The following KDM5A variants were observed in gnomAD, a reference collection of about 807,000 sequenced individuals.
The protein encoded by KDM5A is lysine-specific demethylase 5A.
A neutral mutation model predicts 193.5 loss-of-function variants in KDM5A; 42 were observed. That is an observed-to-expected ratio of 0.22 (90% CI 0.17 to 0.28). The LOEUF (loss-of-function observed/expected upper bound fraction) is 0.28. Ranked by LOEUF, KDM5A falls within the 10% of genes least tolerant of loss-of-function variation. The pLI, the probability that KDM5A is intolerant of heterozygous loss-of-function variation, is 1.00. For synonymous variants in KDM5A, 796 were observed against 718.1 expected (o/e 1.11, Z -1.73); for missense variants, 1,692 against 2,055.1 (o/e 0.82, Z 3.42).
intron 24 of KDM5A, among the ~76,000 whole-genome samples, chr12:303,258 A>G (rs1425874960): frequency 6.6e-6 from 1 of 152,264 alleles, no homozygotes; most frequent in Admixed American, 6.5e-5. Flanking sequence ...ACTTGGAACC[A>G]GCCCAAATGC....
chr12:374,700 A>C (rs1002663856), intron 3 of KDM5A, among the ~76,000 whole-genome samples: 15 of 152,158 alleles, frequency 9.9e-5, no homozygotes, highest in African/African-American at 3.6e-4. Context: ...ATGTTTTTGC[A>C]GTGGCTGGTA....
chr12:299,351 C>T (rs1042402738), intron 24 of KDM5A, among the ~76,000 whole-genome samples: 1 of 152,142 alleles, frequency 6.6e-6, no homozygotes, highest in African/African-American at 2.4e-5. Context: ...GCGGATCTCT[C>T]GCAGAAACTC....
At chr12:373,001 T>C (rs1591937976) in intron 3 of KDM5A, among the ~76,000 whole-genome samples, 1 of 152,238 alleles carries the variant, frequency 6.6e-6, no homozygotes, top group Non-Finnish European at 1.5e-5. Context: ...TGCCAGTATT[T>C]TATTGAAGAT....
At chr12:332,722 G>A (rs1489838511) in intron 12 of KDM5A, among the ~76,000 whole-genome samples, 3 of 152,072 alleles carry the variant, frequency 2.0e-5, no homozygotes, top group Non-Finnish European at 4.4e-5. Context: ...ATTAGGATAA[G>A]CATCCTTATT....
Position 292,668 on chromosome 12 carries a change from A to G in KDM5A, c.4866+91T>C, listed in dbSNP as rs140691217. ...TGTTGGAAGTCCAAATCCTAGAACC[A>G]AAAACATACTACACATTGATATCAA... On this transcript the variant is annotated intron_variant, in intron 27 of 27. Transcript: ENST00000399788. 1.7e-5 allele frequency: 27 copies of G among 1,544,850 alleles called. No homozygotes were observed. In the East Asian group the frequency reaches 4.5e-4, roughly 26 times the overall value.
At chr12:297,885 G>A (rs191629251) in intron 24 of KDM5A, among the ~76,000 whole-genome samples, 16 of 152,298 alleles carry the variant, frequency 1.1e-4, no homozygotes, top group Non-Finnish European at 1.8e-4. Flanking sequence ...GCCAGACCTC[G>A]TTCTGTCCAG....
chr12:310,059 G>C, intron 21 of KDM5A, 95 bp from the exon 22 acceptor site: 1 of 1,304,610 alleles, frequency 7.7e-7, no homozygotes, highest in Non-Finnish European at 1.1e-6. Context: ...GTTCAACCAT[G>C]TCCCACGCAC....
At position 305,570 on chromosome 12, in the gene KDM5A, G is replaced by C. The variant is rs115011018; in HGVS notation, c.4074+1376C>G. Reference sequence around the variant, plus strand: ...TCTCTGGAAGCAGCCTTTTGTATCAGAGTAGGAATTCCCAGGTTACAAGAA... The same window carrying C: ...TCTCTGGAAGCAGCCTTTTGTATCACAGTAGGAATTCCCAGGTTACAAGAA... On this transcript the variant is annotated intron_variant, in intron 24 of 27. Coordinates refer to ENST00000399788, the MANE Select transcript of KDM5A (RefSeq NM_001042603.3). 2.9e-3 allele frequency among the ~76,000 whole-genome samples: 448 copies of C among 152,306 alleles called. 2 individuals carry two copies. Among genetic ancestry groups the C allele is most frequent in the African/African-American group, 0.01 (430 of 41,558 alleles).
At chr12:363,604 C>T (rs988368910) in intron 4 of KDM5A, among the ~76,000 whole-genome samples, 1 of 152,054 alleles carries the variant, frequency 6.6e-6, no homozygotes, top group Non-Finnish European at 1.5e-5. Flanking sequence ...ACATCTTCAC[C>T]TCATACTATA....
chr12:322,541 C>T lies in KDM5A; in HGVS notation c.2302G>A (p.Glu768Lys). 6.2e-7 allele frequency: 1 copy of T among 1,612,726 alleles called. No homozygotes were observed. Among genetic ancestry groups the T allele is most frequent in the Non-Finnish European group, 8.5e-7 (1 of 1,179,180 alleles). ...KDLIELRVML[E>K]DAEDRKYPEN... is the part of the protein sequence containing the mutation. ...GGGTATTTCCTATCCTCAGCATCTTCCAGCATTACTCGCAATTCAATCAAA... is the reference window on the plus strand; with the variant it reads ...GGGTATTTCCTATCCTCAGCATCTTTCAGCATTACTCGCAATTCAATCAAA... Residue 768 changes from glutamate to lysine, a missense_variant, in exon 17 of 28, where the codon GAA becomes AAA. Glu to Lys is a moderately conservative substitution (Grantham distance 56, BLOSUM62 1). Coordinates refer to ENST00000399788, the MANE Select transcript of KDM5A (RefSeq NM_001042603.3).
chr12:355,034 T>A (rs1392792490), intron 7 of KDM5A, 124 bp downstream of exon 7: 1 of 725,804 alleles, frequency 1.4e-6, no homozygotes, highest in African/African-American at 1.7e-5. Flanking sequence ...ACTTCACAGA[T>A]GTGCCATCAA....
At chr12:333,382 G>C in intron 12 of KDM5A, 105 bp downstream of exon 12, 1 of 1,247,606 alleles carries the variant, frequency 8.0e-7, no homozygotes, top group Non-Finnish European at 1.1e-6. Flanking sequence ...TCGTGCCGCT[G>C]CACTCCAGCC....
intron 4 of KDM5A, among the ~76,000 whole-genome samples, chr12:363,892 CAAGTAT>C (rs1289284288): frequency 6.6e-6 from 1 of 151,936 alleles, no homozygotes; most frequent in Non-Finnish European, 1.5e-5. Flanking sequence ...AACAAATTCA[CAAGTAT>C]AAGACAAACA....
chr12:358,034 C>A (rs1944248433), intron 5 of KDM5A, among the ~76,000 whole-genome samples: 1 of 151,770 alleles, frequency 6.6e-6, no homozygotes, highest in Non-Finnish European at 1.5e-5. Flanking sequence ...AGCTACTTAC[C>A]TCTGAAAATC....
At chr12:323,829 G>T (rs754763068) in intron 14 of KDM5A, 48 bp from the exon 15 acceptor site, 11 of 1,525,150 alleles carry the variant, frequency 7.2e-6, no homozygotes, top group Non-Finnish European at 9.1e-6. Flanking sequence ...AGTCTTTAAA[G>T]CATCAAAAAA....
At chr12:367,830 C>G (rs900578237) in intron 3 of KDM5A, among the ~76,000 whole-genome samples, 2 of 151,706 alleles carry the variant, frequency 1.3e-5, no homozygotes, top group Non-Finnish European at 2.9e-5. Flanking sequence ...CCCCTGCACT[C>G]TGGCCTGGCT....
intron 2 of KDM5A, among the ~76,000 whole-genome samples, chr12:385,398 GTAATACTTAAAGTAATTAAAAAA>G (rs1782892162): frequency 6.6e-6 from 1 of 151,640 alleles, no homozygotes; most frequent in Admixed American, 6.6e-5. Flanking sequence ...AGATAAATTA[GTAATACTTAAAGTAATTAAAAAA>G]TAATACTTAA....
intron 10 of KDM5A, among the ~76,000 whole-genome samples, chr12:336,958 T>C (rs1454922025): frequency 6.6e-6 from 1 of 152,128 alleles, no homozygotes; most frequent in Non-Finnish European, 1.5e-5. Context: ...GATTGTGATA[T>C]GGTTTGGATT....
intron 1 of KDM5A, among the ~76,000 whole-genome samples, 167 bp downstream of exon 1, chr12:388,760 A>G (rs915804910): frequency 5.9e-5 from 9 of 152,244 alleles, no homozygotes; most frequent in African/African-American, 1.7e-4. Flanking sequence ...ACGTGTCTAC[A>G]TAAGACCACA....
Sources: gnomAD v4.1 joint callset for allele counts (sites outside exome capture counted in the v4.1 genomes callset) on GRCh38, gnomAD v4.1.1 for gene constraint, MANE v1.5 for transcripts, NCBI Gene and HGNC (gene_info 2026-07-23, HGNC 2026-07-21) for gene names.